RBFOX1: variants seen among roughly 807,000 people sequenced by gnomAD.
RBFOX1 encodes RNA binding protein fox-1 homolog 1.
RBFOX1 carries 8 observed loss-of-function variants against 57.7 expected under a neutral mutation model. The observed-to-expected ratio is 0.14, with a 90% CI of 0.08 to 0.25. The LOEUF is 0.25. RBFOX1 is among the 10% of genes least tolerant of loss of function. The pLI, the probability that RBFOX1 is intolerant of heterozygous loss-of-function variation, is 1.00. For synonymous variants in RBFOX1, 326 were observed against 222.4 expected, an observed-to-expected ratio of 1.47 and a Z score of -4.15; for missense variants, 611 against 548.5, an observed-to-expected ratio of 1.11 and a Z score of -1.14.
chr16:5,259,320 G>A (rs2062670298), intron 1 of RBFOX1, among the ~76,000 whole-genome samples: 1 of 151,958 alleles, frequency 6.6e-6, no homozygotes, highest in South Asian at 2.1e-4. Context: ...GATGATTAGG[G>A]GCTCAGCTAG....
intron 1 of RBFOX1, among the ~76,000 whole-genome samples, chr16:6,189,444 A>G (rs1014451603): frequency 2.6e-5 from 4 of 152,192 alleles, no homozygotes; most frequent in Non-Finnish European, 5.9e-5. Flanking sequence ...GTGACAGAGA[A>G]CTGTTGGGTT....
At chr16:6,467,961 T>C (rs2095088089) in intron 2 of RBFOX1, among the ~76,000 whole-genome samples, 1 of 152,224 alleles carries the variant, frequency 6.6e-6, no homozygotes, top group Non-Finnish European at 1.5e-5. Context: ...TGCTTTCTTT[T>C]TAATGTTTCT....
intron 1 of RBFOX1, among the ~76,000 whole-genome samples, chr16:6,238,489 G>A (rs1567747134): frequency 6.6e-6 from 1 of 152,134 alleles, no homozygotes; most frequent in Admixed American, 6.5e-5. Flanking sequence ...AGATTTTATG[G>A]TACTTCGCTG....
At chr16:6,799,176 A>G (rs1015412241) in intron 3 of RBFOX1, among the ~76,000 whole-genome samples, 5 of 152,118 alleles carry the variant, frequency 3.3e-5, no homozygotes, top group Non-Finnish European at 5.9e-5. Flanking sequence ...AAAGAATTCA[A>G]AAGTGTGCTG....
intron 3 of RBFOX1, among the ~76,000 whole-genome samples, chr16:6,706,600 G>A (rs1366880265): frequency 6.6e-6 from 1 of 152,262 alleles, no homozygotes; most frequent in African/African-American, 2.4e-5. Flanking sequence ...CTCTAATAGA[G>A]TTGTACTTGT....
At chr16:7,043,748 G>C (rs2046951191) in intron 3 of RBFOX1, among the ~76,000 whole-genome samples, 1 of 152,034 alleles carries the variant, frequency 6.6e-6, no homozygotes, top group South Asian at 2.1e-4. Flanking sequence ...CTGTTTCTTT[G>C]GACTCCTACT....
chr16:5,665,870 G>A (rs1163990851), intron 3 of RBFOX1, among the ~76,000 whole-genome samples: 1 of 152,222 alleles, frequency 6.6e-6, no homozygotes, highest in Non-Finnish European at 1.5e-5. Flanking sequence ...AGAAGTAGGT[G>A]CTGTTTTCAG....
At chr16:5,478,058 G>C (rs533964922) in intron 2 of RBFOX1, among the ~76,000 whole-genome samples, 7 of 152,134 alleles carry the variant, frequency 4.6e-5, no homozygotes, top group Non-Finnish European at 1.0e-4. Flanking sequence ...ACACCATGGA[G>C]CTGAAATTCT....
intron 1 of RBFOX1, among the ~76,000 whole-genome samples, chr16:6,245,078 A>G (rs1026322069): frequency 7.9e-5 from 12 of 152,172 alleles, no homozygotes; most frequent in Non-Finnish European, 1.0e-4. Flanking sequence ...GGCAGAAGCT[A>G]TATCTTCCCT....
chr16:7,102,342 G>A (rs1029431793), intron 4 of RBFOX1, among the ~76,000 whole-genome samples: 9 of 152,230 alleles, frequency 5.9e-5, no homozygotes, highest in African/African-American at 2.2e-4. Context: ...ATCTGATACA[G>A]AGCCTAAGTC....
chr16:6,356,169 G>C (rs2087281231), intron 2 of RBFOX1, among the ~76,000 whole-genome samples: 1 of 152,248 alleles, frequency 6.6e-6, no homozygotes, highest in African/African-American at 2.4e-5. Context: ...TGAAGAGGTA[G>C]AGCATGATTC....
chr16:7,670,624 C>A (rs1302022102), intron 13 of RBFOX1, among the ~76,000 whole-genome samples: 1 of 151,934 alleles, frequency 6.6e-6, no homozygotes, highest in Non-Finnish European at 1.5e-5. Context: ...GAGAGAGGAA[C>A]AAGAATGTTA....
chr16:5,716,437 C>G (rs1344116344), intron 3 of RBFOX1, among the ~76,000 whole-genome samples: 1 of 152,022 alleles, frequency 6.6e-6, no homozygotes, highest in Non-Finnish European at 1.5e-5. Flanking sequence ...TCCATGTGTC[C>G]AACAATTGCA....
chr16:7,054,722 C>T (rs1247084611), intron 4 of RBFOX1, among the ~76,000 whole-genome samples: 6 of 152,164 alleles, frequency 3.9e-5, no homozygotes, highest in Admixed American at 2.6e-4. Context: ...CTGCAAGCCA[C>T]AATAAAAATG....
At chr16:6,267,628 C>T (rs553390857) in intron 1 of RBFOX1, among the ~76,000 whole-genome samples, 2 of 152,302 alleles carry the variant, frequency 1.3e-5, no homozygotes, top group South Asian at 4.1e-4. Flanking sequence ...CTGCAAAACC[C>T]TGAACATCAA....
chr16:6,647,899 T>C (rs1160804899), intron 2 of RBFOX1, among the ~76,000 whole-genome samples: 1 of 152,172 alleles, frequency 6.6e-6, no homozygotes, highest in East Asian at 1.9e-4. Context: ...TGGAGTGTAG[T>C]GGTGCAATCT....
intron 1 of RBFOX1, among the ~76,000 whole-genome samples, chr16:6,303,593 C>T (rs1265633620): frequency 6.6e-6 from 1 of 151,892 alleles, no homozygotes; most frequent in African/African-American, 2.4e-5. Flanking sequence ...CGCTCTGGTC[C>T]AGTTTATGCC....
chr16:6,902,727 C>G (rs1011725837), intron 3 of RBFOX1, among the ~76,000 whole-genome samples: 2 of 152,134 alleles, frequency 1.3e-5, no homozygotes, highest in African/African-American at 2.4e-5. Context: ...ATGTAGAGAA[C>G]AGGAAGAAGT....
chr16:7,076,152 C>T (rs560387901), intron 4 of RBFOX1, among the ~76,000 whole-genome samples: 1 of 151,808 alleles, frequency 6.6e-6, no homozygotes, highest in Admixed American at 6.6e-5. Flanking sequence ...AGTGATTCCC[C>T]TGCCTCAGCC....
Sources: allele counts gnomAD v4.1 joint callset (sites outside exome capture counted in the v4.1 genomes callset), GRCh38; gene constraint gnomAD v4.1.1; transcripts MANE v1.5; gene names NCBI Gene and HGNC (gene_info 2026-07-23, HGNC 2026-07-21).